The following SLC39A12 variants were observed in gnomAD, a reference collection of about 807,000 sequenced individuals.
SLC39A12 encodes solute carrier family 39 member 12.
A neutral mutation model predicts 71.1 loss-of-function variants in SLC39A12; 63 were observed. The observed-to-expected ratio is 0.89, with a 90% CI of 0.72 to 1.09. The LOEUF is 1.09. Among genes scored for constraint, SLC39A12 ranks in the 50% least tolerant of loss-of-function variants. The probability of loss-of-function intolerance (pLI) is 0.00; values close to 1 mark genes in which losing one functional copy is unlikely to be tolerated. For synonymous variants in SLC39A12, 351 were observed against 301.3 expected, an observed-to-expected ratio of 1.16 and a Z score of -1.71; for missense variants, 892 against 812.6, an observed-to-expected ratio of 1.10 and a Z score of -1.19.
At chr10:17,994,571 A>G (rs115442578) in intron 9 of SLC39A12, among the ~76,000 whole-genome samples, 5,583 of 152,264 alleles carry the variant, frequency 0.037, 338 homozygotes, top group African/African-American at 0.13. Context: ...TCACAGAACT[A>G]TAAAGCATTG....
chr10:18,036,654 C>T lies in SLC39A12; in HGVS notation c.1948-6051C>T, dbSNP rs560068290. Among the ~76,000 whole-genome samples, 8 of 150,862 alleles carry T rather than the reference C, an allele frequency of 5.3e-5. No homozygotes were observed. The East Asian group carries it at 5.9e-4, about 11-fold the overall frequency. ...GCTGTAGACCGGAGCTGTTCCTATT[C>T]GGCCATCTTGGCTCCTCCCCCGTGA... On this transcript the variant is annotated intron_variant, in intron 12 of 12. Transcript: ENST00000377369.
chr10:17,956,379 G>A (rs1471507503), intron 2 of SLC39A12, among the ~76,000 whole-genome samples: 1 of 151,574 alleles, frequency 6.6e-6, no homozygotes, highest in Non-Finnish European at 1.5e-5. Context: ...GGACATACAT[G>A]TACTTCTTAG....
chr10:18,001,617 G>A (rs1046759982), intron 11 of SLC39A12, among the ~76,000 whole-genome samples: 2 of 152,248 alleles, frequency 1.3e-5, no homozygotes, highest in African/African-American at 4.8e-5. Context: ...TGACAGGTGT[G>A]TGGTGGCAGA....
chr10:18,037,118 A>G (rs1347393292), intron 12 of SLC39A12, among the ~76,000 whole-genome samples: 2 of 151,840 alleles, frequency 1.3e-5, no homozygotes, highest in East Asian at 1.9e-4. Flanking sequence ...CCTCTTTCCA[A>G]AATTTTTTGG....
At chr10:17,983,767 G>T (rs1310937486) in intron 6 of SLC39A12, among the ~76,000 whole-genome samples, 4 of 152,056 alleles carry the variant, frequency 2.6e-5, no homozygotes, top group Admixed American at 2.0e-4. Context: ...GGGCGACAGG[G>T]AGAGACTCCA....
chr10:17,998,599 T>C (rs550445833), intron 10 of SLC39A12, among the ~76,000 whole-genome samples: 5 of 152,320 alleles, frequency 3.3e-5, no homozygotes, highest in Admixed American at 6.5e-5. Flanking sequence ...CTGAAATCTT[T>C]CCCTTTTTAG....
chr10:17,991,459 A>G (rs942922794), intron 8 of SLC39A12, among the ~76,000 whole-genome samples, 156 bp downstream of exon 8: 6 of 152,124 alleles, frequency 3.9e-5, no homozygotes, highest in Non-Finnish European at 8.8e-5. Flanking sequence ...TTCTAATAGG[A>G]TATTAATTTT....
intron 10 of SLC39A12, among the ~76,000 whole-genome samples, chr10:17,997,487 A>G (rs929429975): frequency 2.0e-5 from 3 of 152,160 alleles, no homozygotes; most frequent in Non-Finnish European, 2.9e-5. Flanking sequence ...TAGGTCTGCA[A>G]TAGACTTTTT....
chr10:18,011,549 A>G (rs1836224227), intron 12 of SLC39A12, among the ~76,000 whole-genome samples: 1 of 152,210 alleles, frequency 6.6e-6, no homozygotes, highest in African/African-American at 2.4e-5. Flanking sequence ...GGGAGAGTCA[A>G]AAGTTATACA....
chr10:18,038,018 CAAAAAAAAAAAAAAAAAAA>C (rs763211521), intron 12 of SLC39A12, among the ~76,000 whole-genome samples: 2 of 14,950 alleles, frequency 1.3e-4, no homozygotes, highest in South Asian at 3.9e-3. Flanking sequence ...GCCTCCATCT[CAAAAAAAAAAAAAAAAAAA>C]AAAAAAAAAA....
chr10:18,014,625 T>C (rs1017792564), intron 12 of SLC39A12, among the ~76,000 whole-genome samples: 1 of 152,202 alleles, frequency 6.6e-6, no homozygotes, highest in African/African-American at 2.4e-5. Flanking sequence ...TAGAGAAATA[T>C]GCATTTATGA....
chr10:17,959,037 C>G (rs1834620649), intron 2 of SLC39A12, among the ~76,000 whole-genome samples: 1 of 152,170 alleles, frequency 6.6e-6, no homozygotes, highest in Non-Finnish European at 1.5e-5. Context: ...TGGCTACCAA[C>G]AAATTGTAGC....
intron 8 of SLC39A12, 37 bp downstream of exon 8, chr10:17,991,340 G>A (rs760666839): frequency 1.3e-6 from 2 of 1,499,660 alleles, no homozygotes; most frequent in East Asian, 4.7e-5. Context: ...GTGCTTTAAA[G>A]TCTTATAATA....
chr10:18,034,302 CA>C (rs1229116043), intron 12 of SLC39A12, among the ~76,000 whole-genome samples: 1 of 150,368 alleles, frequency 6.7e-6, no homozygotes, highest in Non-Finnish European at 1.5e-5. Flanking sequence ...CTTTGTAGGT[CA>C]CTCAGGACTT....
chr10:17,959,831 G>T (rs535922736), intron 2 of SLC39A12, among the ~76,000 whole-genome samples: 1 of 152,256 alleles, frequency 6.6e-6, no homozygotes, highest in East Asian at 1.9e-4. Context: ...TGTGCTTGTG[G>T]CTTGTGAAAC....
chr10:17,952,267 G>T (rs1269441546), intron 1 of SLC39A12, among the ~76,000 whole-genome samples: 1 of 151,078 alleles, frequency 6.6e-6, no homozygotes, highest in African/African-American at 2.4e-5. Flanking sequence ...AAGTTGATTG[G>T]CTCTAAAGTC....
intron 12 of SLC39A12, among the ~76,000 whole-genome samples, chr10:18,026,905 T>A (rs940977986): frequency 3.9e-5 from 6 of 152,204 alleles, no homozygotes; most frequent in Non-Finnish European, 7.4e-5. Context: ...TGCTTACATT[T>A]TCCTTCTGTT....
intron 12 of SLC39A12, among the ~76,000 whole-genome samples, chr10:18,038,089 T>C (rs993457998): frequency 7.5e-6 from 1 of 133,968 alleles, no homozygotes; most frequent in Non-Finnish European, 1.6e-5. Flanking sequence ...ATAGGGTCCA[T>C]TATTTCGATT....
intron 12 of SLC39A12, among the ~76,000 whole-genome samples, chr10:18,011,408 A>G (rs1836218592): frequency 6.6e-6 from 1 of 152,186 alleles, no homozygotes; most frequent in Non-Finnish European, 1.5e-5. Context: ...CTTTCTTAAT[A>G]ACATTTTCTT....
Sources: gnomAD v4.1 joint callset for allele counts (sites outside exome capture counted in the v4.1 genomes callset) on GRCh38, gnomAD v4.1.1 for gene constraint, MANE v1.5 for transcripts, NCBI Gene and HGNC (gene_info 2026-07-23, HGNC 2026-07-21) for gene names.